ZNF26: variants seen among roughly 807,000 people sequenced by gnomAD.
The protein encoded by ZNF26 is zinc finger protein 26.
Under a neutral mutation model 54.9 loss-of-function variants are expected in ZNF26, and 32 were observed. The ratio of observed to expected loss-of-function variants is 0.58; its 90% confidence interval spans 0.44 to 0.78. The LOEUF (loss-of-function observed/expected upper bound fraction) is 0.78. Ranked by LOEUF, ZNF26 falls within the 30% of genes least tolerant of loss-of-function variation. The pLI is 0.00. For synonymous variants in ZNF26, 221 were observed against 209.2 expected (o/e 1.06, Z -0.49); for missense variants, 524 against 634.0 (o/e 0.83, Z 1.86).
intron 3 of ZNF26, among the ~76,000 whole-genome samples, chr12:133,009,209 G>A (rs1953412781): frequency 6.6e-6 from 1 of 152,186 alleles, no homozygotes; most frequent in Non-Finnish European, 1.5e-5. Flanking sequence ...TGCTACAATA[G>A]CTTCCTAAAG....
intron 2 of ZNF26, 125 bp downstream of exon 2, chr12:133,007,293 A>C: frequency 7.3e-7 from 1 of 1,366,804 alleles, no homozygotes; most frequent in Non-Finnish European, 1.0e-6. Context: ...TTAGGGGTCA[A>C]ATTTCCTTAG....
chr12:132,999,502 G>A (rs1178332723), intron 1 of ZNF26, among the ~76,000 whole-genome samples: 2 of 152,058 alleles, frequency 1.3e-5, no homozygotes, highest in Non-Finnish European at 2.9e-5. Context: ...TTATTTGCCT[G>A]CCTCAGCCTC....
At chr12:132,991,417 G>T (rs2137212420) in intron 1 of ZNF26, among the ~76,000 whole-genome samples, 1 of 151,940 alleles carries the variant, frequency 6.6e-6, no homozygotes, top group Middle Eastern at 3.4e-3. Flanking sequence ...AGAATCGCTT[G>T]AACTCAGGAA....
intron 1 of ZNF26, chr12:132,995,440 ACTT>A (rs1207241200): frequency 6.6e-6 from 1 of 150,648 alleles, no homozygotes. Flanking sequence ...ACTGTATACA[ACTT>A]CTCTGTATTT....
rs1953655632 is a variant in ZNF26, at chr12:133,022,391, G to A, written c.*10910G>A. On this transcript the variant is annotated 3_prime_UTR_variant, in exon 4 of 4. Transcript: ENST00000328654. ...AATACAAAATAGATACAAATCTTAT[G>A]GTGTTGGAACTGTTCAGCATCTTGA... 1 of 152,124 alleles carries A rather than the reference G, an allele frequency of 6.6e-6. No individual in the cohort carries two copies. The highest frequency in any genetic ancestry group is 2.4e-5 in the African/African-American group (1 of 41,420). 9.4% of individuals were successfully genotyped at this position (152,124 alleles called of 1,614,324 possible). A position where few individuals can be genotyped will look rare whatever the true frequency, so the allele number is the denominator to read the frequency against.
intron 1 of ZNF26, among the ~76,000 whole-genome samples, chr12:132,999,657 G>T (rs1953168319): frequency 6.6e-6 from 1 of 151,930 alleles, no homozygotes; most frequent in Non-Finnish European, 1.5e-5. Context: ...GAAATTCCTT[G>T]TACTTTGCTT....
chr12:133,005,894 G>A (rs1953313928), intron 1 of ZNF26: 2 of 165,698 alleles, frequency 1.2e-5, no homozygotes, highest in South Asian at 4.0e-4. Context: ...CTGGTATTCT[G>A]TTATAAAAAT....
At position 132,986,801 on chromosome 12, in the gene ZNF26, G is replaced by C; in HGVS notation, c.-40G>C. 6.3e-7 allele frequency: 1 copy of C among 1,583,800 alleles called. No homozygotes were observed. Among genetic ancestry groups the C allele is most frequent in the Admixed American group, 1.8e-5 (1 of 55,056 alleles). On this transcript the variant is annotated 5_prime_UTR_variant, in exon 1 of 4. Coordinates refer to ENST00000328654, the MANE Select transcript of ZNF26 (RefSeq NM_019591.4). Reference sequence around the variant, plus strand: ...CTCACGGTCTCTCCGCAGCCCGCGGGTCCTGCCCCCGCAGGCAGCGCGCGA... The same window carrying C: ...CTCACGGTCTCTCCGCAGCCCGCGGCTCCTGCCCCCGCAGGCAGCGCGCGA...
rs1254718332 is a variant in ZNF26 at position 133,013,067 on chromosome 12, C to T, written c.*1586C>T. ...GTGAAATATGGTTATTGTTTCTGTA[C>T]ACCTGGAACGTTGTAGTGCCTGATA... On this transcript the variant is annotated 3_prime_UTR_variant, in exon 4 of 4. Coordinates refer to ENST00000328654, the MANE Select transcript of ZNF26 (RefSeq NM_019591.4). The T allele has an allele frequency of 6.6e-6, 1 of 152,162 alleles. No homozygotes were observed. The allele number at this position is 152,162 out of a possible 1,614,324, so 9.4% of individuals were successfully genotyped here.
chr12:133,008,775 C>CAAAAAAA (rs57200465), intron 3 of ZNF26, among the ~76,000 whole-genome samples: 2 of 61,472 alleles, frequency 3.3e-5, no homozygotes, highest in Non-Finnish European at 6.6e-5. Context: ...GACTCCATCT[C>CAAAAAAA]AAAAAAAAAA....
Position 133,010,275 on chromosome 12 carries a change from A to G in ZNF26, c.396A>G (p.Gly132=). ...GACAGAGACTCTATAACACACGTGGAAAAAGTTTGACACAAAACTCAGCTC... is the reference window on the plus strand; with the variant it reads ...GACAGAGACTCTATAACACACGTGGGAAAAGTTTGACACAAAACTCAGCTC... ...SSRQRLYNTR[G]KSLTQNSAPS... Residue 132 remains glycine, a synonymous_variant, in exon 4 of 4, where the codon GGA becomes GGG. Transcript: ENST00000328654. 1 of 1,614,062 alleles carries G rather than the reference A, an allele frequency of 6.2e-7. No individual in the cohort carries two copies. Among genetic ancestry groups the G allele is most frequent in the Admixed American group, 1.7e-5 (1 of 60,008 alleles).
At position 133,021,726 on chromosome 12, in the gene ZNF26, C is replaced by T. The variant is rs1305876873; in HGVS notation, c.*10245C>T. ...AGGTTGCAGTGAGCCGGGATCACAC[C>T]ACTGCACTCCAGCCTGGGTGACAGA... On this transcript the variant is annotated 3_prime_UTR_variant, in exon 4 of 4. Transcript: ENST00000328654. 6.6e-6 allele frequency: 1 copy of T among 151,404 alleles called. No individual in the cohort carries two copies. The highest frequency in any genetic ancestry group is 1.5e-5 in the Non-Finnish European group (1 of 67,908). The allele number at this position is 151,404 out of a possible 1,614,324, so 9.4% of individuals were successfully genotyped here.
intron 1 of ZNF26, among the ~76,000 whole-genome samples, chr12:133,002,916 G>A (rs1953249922): frequency 6.6e-6 from 1 of 151,966 alleles, no homozygotes; most frequent in African/African-American, 2.4e-5. Context: ...GAATCACCAT[G>A]CCCAGCCTGG....
Position 133,007,112 on chromosome 12 carries a change from A to G in ZNF26, c.104A>G (p.Gln35Arg). 1.2e-6 allele frequency: 2 copies of G among 1,614,170 alleles called. No individual in the cohort carries two copies. The highest frequency in any genetic ancestry group is 1.7e-6 in the Non-Finnish European group (2 of 1,179,976). The change falls in exon 2 of 4, where the codon CAG becomes CGG. Residue 35 changes from glutamine to arginine, a missense_variant. By Grantham distance (43) the Gln-to-Arg change is conservative (BLOSUM62 1). Transcript: ENST00000328654. ...GAATGGCAGCTACTGGATTCTACAC[A>G]GAAGTACCTGTACAGAGATGTGATA... ...WDEWQLLDST[Q>R]KYLYRDVILE... is the part of the protein sequence containing the mutation.
intron 1 of ZNF26, among the ~76,000 whole-genome samples, chr12:133,002,939 G>C (rs897129961): frequency 6.6e-6 from 1 of 152,068 alleles, no homozygotes; most frequent in Non-Finnish European, 1.5e-5. Flanking sequence ...TTTGTTAAGA[G>C]TACCTAGCAC....
chr12:132,996,628 C>T (rs1953090708), intron 1 of ZNF26, among the ~76,000 whole-genome samples: 1 of 152,182 alleles, frequency 6.6e-6, no homozygotes, highest in Non-Finnish European at 1.5e-5. Flanking sequence ...AATATCTTTG[C>T]CATGTAAGTC....
intron 1 of ZNF26, among the ~76,000 whole-genome samples, chr12:132,990,991 T>C (rs1434780922): frequency 6.6e-6 from 1 of 151,824 alleles, no homozygotes; most frequent in Non-Finnish European, 1.5e-5. Flanking sequence ...CCCGAGTAGC[T>C]GGAAGTACAG....
Position 133,006,074 on chromosome 12 carries a change from T to C in ZNF26, c.34-968T>C, listed in dbSNP as rs1038620079. On this transcript the variant is annotated intron_variant, in intron 1 of 3. Coordinates refer to ENST00000328654, the MANE Select transcript of ZNF26 (RefSeq NM_019591.4). ...CATAATAGATTTGCCAGTTTTTCAGTTGGGCATATACAGAAACTCCATTTC... is the reference window on the plus strand; with the variant it reads ...CATAATAGATTTGCCAGTTTTTCAGCTGGGCATATACAGAAACTCCATTTC... 24 of 985,344 alleles carry C rather than the reference T, an allele frequency of 2.4e-5. No homozygotes were observed. In the African/African-American group the frequency reaches 3.5e-4, roughly 14 times the overall value. The allele number at this position is 985,344 out of a possible 1,614,324, so 61.0% of individuals were successfully genotyped here. A position where few individuals can be genotyped will look rare whatever the true frequency, so the allele number is the denominator to read the frequency against.
At position 133,024,322 on chromosome 12, in the gene ZNF26, CATT is replaced by C. The variant is rs1953676132; in HGVS notation, c.*12845_*12847del. ...AGAGCTTGAAGGAACACAAGGAAAG[CATT>C]ATTGAAACATGGAGAAAATGAGACT... is the stretch of plus-strand genomic sequence containing the variant. On this transcript the variant is annotated 3_prime_UTR_variant, in exon 4 of 4. Coordinates refer to ENST00000328654, the MANE Select transcript of ZNF26 (RefSeq NM_019591.4). 2 of 152,242 alleles carry C rather than the reference CATT, an allele frequency of 1.3e-5. No homozygotes were observed. Among genetic ancestry groups the C allele is most frequent in the South Asian group, 2.1e-4 (1 of 4,806 alleles). The allele number at this position is 152,242 out of a possible 1,614,324, so 9.4% of individuals were successfully genotyped here.
Sources: allele counts gnomAD v4.1 joint callset (sites outside exome capture counted in the v4.1 genomes callset), GRCh38; gene constraint gnomAD v4.1.1; transcripts MANE v1.5; gene names NCBI Gene and HGNC (gene_info 2026-07-23, HGNC 2026-07-21).